Variants in OLFM2 observed in about 807,000 individuals in gnomAD.
The protein encoded by OLFM2 is noelin-2.
OLFM2 carries 20 observed loss-of-function variants against 43.9 expected under a neutral mutation model. That is an observed-to-expected ratio of 0.46 (90% CI 0.32 to 0.66). The LOEUF is 0.66. Among genes scored for constraint, OLFM2 ranks in the 30% least tolerant of loss-of-function variants. The pLI is 0.04. For synonymous variants in OLFM2, 268 were observed against 278.6 expected, an observed-to-expected ratio of 0.96 and a Z score of 0.38; for missense variants, 416 against 643.6, an observed-to-expected ratio of 0.65 and a Z score of 3.83.
chr19:9,855,759 C>T (rs762685768), intron 5 of OLFM2, among the ~76,000 whole-genome samples: 18 of 151,808 alleles, frequency 1.2e-4, no homozygotes, highest in Non-Finnish European at 2.4e-4. Context: ...TAGTCTCAAA[C>T]TCCTGAGCTC....
At chr19:9,934,195 C>T (rs1428708318) in intron 1 of OLFM2, among the ~76,000 whole-genome samples, 4 of 152,308 alleles carry the variant, frequency 2.6e-5, no homozygotes, top group Admixed American at 6.5e-5. Context: ...GGGTGCCAGG[C>T]TTGGTGGGCC....
intron 1 of OLFM2, among the ~76,000 whole-genome samples, chr19:9,874,335 T>TTTC (rs2046468390): frequency 6.7e-6 from 1 of 149,904 alleles, no homozygotes; most frequent in South Asian, 2.1e-4. Context: ...GGCCTTTTTT[T>TTTC]TTTTTTTTTT....
chr19:9,911,407 G>A (rs1162479205), intron 1 of OLFM2, among the ~76,000 whole-genome samples: 2 of 152,124 alleles, frequency 1.3e-5, no homozygotes, highest in African/African-American at 2.4e-5. Context: ...CTTTCAGCAG[G>A]TGAATTCATG....
intron 1 of OLFM2, among the ~76,000 whole-genome samples, chr19:9,907,506 G>A (rs1328635540): frequency 6.6e-6 from 1 of 151,988 alleles, no homozygotes; most frequent in Non-Finnish European, 1.5e-5. Flanking sequence ...TAAGAGAGGT[G>A]GTCTTGGTCA....
intron 1 of OLFM2, among the ~76,000 whole-genome samples, chr19:9,870,576 C>G (rs1403945316): frequency 6.6e-6 from 1 of 152,204 alleles, no homozygotes; most frequent in Admixed American, 6.5e-5. Context: ...CCCATCCTCT[C>G]TAATTGTCTT....
intron 1 of OLFM2, among the ~76,000 whole-genome samples, chr19:9,889,646 C>G (rs1862471): frequency 0.38 from 58,068 of 152,138 alleles, 12,523 homozygotes; most frequent in Admixed American, 0.52. Flanking sequence ...ATCGGGGTGT[C>G]TGTGAGTGGA....
intron 1 of OLFM2, among the ~76,000 whole-genome samples, chr19:9,921,227 C>T (rs1362932434): frequency 1.3e-5 from 2 of 152,066 alleles, no homozygotes; most frequent in Admixed American, 1.3e-4. Flanking sequence ...AGCGATCCTT[C>T]TGCCTCAACC....
intron 1 of OLFM2, among the ~76,000 whole-genome samples, chr19:9,909,570 C>T (rs368737474): frequency 0.048 from 4,607 of 95,670 alleles, 213 homozygotes; most frequent in African/African-American, 0.16. Context: ...CAAGGCTCTA[C>T]GCTCACCGCC....
At chr19:9,885,749 C>T (rs2046580843) in intron 1 of OLFM2, among the ~76,000 whole-genome samples, 1 of 152,172 alleles carries the variant, frequency 6.6e-6, no homozygotes, top group Non-Finnish European at 1.5e-5. Context: ...CTCATCTTTG[C>T]TCAATCTATT....
At chr19:9,934,329 ATTTGGCCACGCCCCCGTTGTCC>A in intron 1 of OLFM2, among the ~76,000 whole-genome samples, 1 of 152,094 alleles carries the variant, frequency 6.6e-6, no homozygotes, top group South Asian at 2.1e-4. Flanking sequence ...GGATTACCTC[ATTTGGCCACGCCCCCGTTGTCC>A]TTTAGCCCCG....
chr19:9,929,595 CAAAATAAAAT>C (rs71188856), intron 1 of OLFM2, among the ~76,000 whole-genome samples: 6 of 148,186 alleles, frequency 4.0e-5, no homozygotes, highest in South Asian at 2.2e-4. Context: ...GACCCCGTCT[CAAAATAAAAT>C]AAAATAAAAT....
chr19:9,853,974 G>A lies in OLFM2; in HGVS notation c.*212C>T, dbSNP rs1368129515. 10 of 587,284 alleles carry A rather than the reference G, an allele frequency of 1.7e-5. No individual in the cohort carries two copies. The East Asian group carries it at 2.8e-4, about 16-fold the overall frequency. The allele number at this position is 587,284 out of a possible 1,614,324, so 36.4% of individuals were successfully genotyped here. On this transcript the variant is annotated 3_prime_UTR_variant, in exon 6 of 6. Coordinates refer to ENST00000264833, the MANE Select transcript of OLFM2 (RefSeq NM_058164.4). ...CATAAAAAGGCAGAAAGAAAGAAGT[G>A]GTGTATTAAAAGCAGAGATCAATAA...
chr19:9,874,963 TC>T, intron 1 of OLFM2, among the ~76,000 whole-genome samples: 1 of 152,204 alleles, frequency 6.6e-6, no homozygotes, highest in South Asian at 2.1e-4. Flanking sequence ...GCTGGACGTT[TC>T]CCCAGCCTGT....
intron 1 of OLFM2, among the ~76,000 whole-genome samples, chr19:9,873,501 C>G (rs2046460393): frequency 6.6e-6 from 1 of 152,128 alleles, no homozygotes; most frequent in Non-Finnish European, 1.5e-5. Context: ...GTTGTCCAGG[C>G]TGGAGTGCAG....
intron 2 of OLFM2, among the ~76,000 whole-genome samples, chr19:9,860,162 A>G (rs4804464): frequency 0.11 from 16,736 of 151,324 alleles, 993 homozygotes; most frequent in Middle Eastern, 0.17. Flanking sequence ...AAAAAAAAAA[A>G]AAATACATTG....
chr19:9,900,695 C>T (rs978280914), intron 1 of OLFM2, among the ~76,000 whole-genome samples: 34 of 151,134 alleles, frequency 2.2e-4, no homozygotes, highest in African/African-American at 6.8e-4. Context: ...GTTTGAGACC[C>T]GCTCGGACAA....
Position 9,854,636 on chromosome 19 carries a change from CG to C in OLFM2, c.914del (p.Pro305ArgfsTer71). 1 of 1,614,118 alleles carries C rather than the reference CG, an allele frequency of 6.2e-7. No individual in the cohort carries two copies. Among genetic ancestry groups the C allele is most frequent in the Non-Finnish European group, 8.5e-7 (1 of 1,179,998 alleles). On this transcript the variant is annotated frameshift_variant, in exon 6 of 6. Transcript: ENST00000264833. LOFTEE classifies it high-confidence loss of function. The surrounding 1 kb of genome is among the most constrained non-coding windows in gnomAD (Gnocchi z 9.5). Reference sequence around the variant, plus strand: ...GGAAGGTGTTGTTGTAACCGGCGCCCGGGAGGCTCCTCTGCACCAGCACAGA... The same window carrying C: ...GGAAGGTGTTGTTGTAACCGGCGCCCGGAGGCTCCTCTGCACCAGCACAGA... Reference protein sequence around the residue: ...SRSVLVQRSLPGAGYNNTFPY... With the variant: ...SRSVLVQRSLXGAGYNNTFPY...
At chr19:9,900,985 AGGAAGGGAGGGAGGG>A (rs1368841842) in intron 1 of OLFM2, among the ~76,000 whole-genome samples, 25 of 44,230 alleles carry the variant, frequency 5.7e-4, no homozygotes, top group African/African-American at 4.3e-3. Flanking sequence ...GAAGGAAGGA[AGGAAGGGAGGGAGGG>A]GGGAGGGAGG....
At chr19:9,858,275 C>T (rs2046339668) in intron 2 of OLFM2, 1 of 305,902 alleles carries the variant, frequency 3.3e-6, no homozygotes, top group African/African-American at 2.3e-5. Flanking sequence ...CTCACAGACT[C>T]TAAGCTCCTT....
Sources: gnomAD v4.1 joint callset for allele counts (sites outside exome capture counted in the v4.1 genomes callset) on GRCh38, gnomAD v4.1.1 for gene constraint, Gnocchi (gnomAD v3.1) non-coding constraint, MANE v1.5 for transcripts, NCBI Gene and HGNC (gene_info 2026-07-23, HGNC 2026-07-21) for gene names.